The following API5 variants were observed in gnomAD, a reference collection of about 807,000 sequenced individuals.
The protein encoded by API5 is apoptosis inhibitor 5.
API5 carries 6 observed loss-of-function variants against 71.9 expected under a neutral mutation model. The observed-to-expected ratio is 0.08, with a 90% CI of 0.05 to 0.16. The LOEUF is 0.16. Among genes scored for constraint, API5 ranks in the 10% least tolerant of loss-of-function variants. API5 has a pLI of 1.00. For synonymous variants in API5, 189 were observed against 221.3 expected, an observed-to-expected ratio of 0.85 and a Z score of 1.30; for missense variants, 332 against 612.8, an observed-to-expected ratio of 0.54 and a Z score of 4.84.
At chr11:43,336,231 T>C (rs1855428785) in intron 13 of API5, 3 of 469,078 alleles carry the variant, frequency 6.4e-6, no homozygotes, top group East Asian at 6.6e-5. Flanking sequence ...AAGAAAAATA[T>C]GCCTCTTGTA....
At chr11:43,322,265 C>A in intron 5 of API5, 129 bp downstream of exon 5, 2 of 827,574 alleles carry the variant, frequency 2.4e-6, no homozygotes, top group Non-Finnish European at 3.4e-6. Flanking sequence ...TTGGAACCAC[C>A]ATAGAACTTC....
chr11:43,330,583 G>C lies in API5; in HGVS notation c.1278+19G>C, dbSNP rs1855218702. On this transcript the variant is annotated intron_variant, in intron 11 of 13. Coordinates refer to ENST00000531273, the MANE Select transcript of API5 (RefSeq NM_001142930.2). ...AATCAAGGTAAGTCTGTAATACCAA[G>C]TGACATTTCTGCAGTTACCATAAAA... The C allele has an allele frequency of 6.5e-7, 1 of 1,528,952 alleles. No individual in the cohort carries two copies. Among genetic ancestry groups the C allele is most frequent in the Admixed American group, 1.7e-5 (1 of 57,512 alleles). 94.7% of individuals were successfully genotyped at this position (1,528,952 alleles called of 1,614,324 possible). A position where few individuals can be genotyped will look rare whatever the true frequency, so the allele number is the denominator to read the frequency against.
In API5 at chr11:43,323,568, A is replaced by T; in HGVS notation, c.682A>T (p.Asn228Tyr). ...ACAGGCCGACCTAGAACAGACCTTCAATCCCTCGGATCCTGACTGTGTGGA... is the reference window on the plus strand; with the variant it reads ...ACAGGCCGACCTAGAACAGACCTTCTATCCCTCGGATCCTGACTGTGTGGA... Reference protein sequence around the residue: ...AEQADLEQTFNPSDPDCVDRL... With the variant: ...AEQADLEQTFYPSDPDCVDRL... Residue 228 changes from asparagine (N) to tyrosine (Y), a missense_variant, in exon 6 of 14, where the codon AAT becomes TAT. By Grantham distance (143) the Asn-to-Tyr change is moderately radical (BLOSUM62 -2). Transcript: ENST00000531273. The T allele has an allele frequency of 6.2e-7, 1 of 1,614,116 alleles. No homozygotes were observed. Among genetic ancestry groups the T allele is most frequent in the Non-Finnish European group, 8.5e-7 (1 of 1,179,970 alleles).
chr11:43,312,237 C>T (rs772578416), intron 1 of API5, 41 bp downstream of exon 1: 56 of 1,595,268 alleles, frequency 3.5e-5, no homozygotes, highest in Non-Finnish European at 4.5e-5. Context: ...CCTGGCGCTC[C>T]GCGGCCTTTC....
At chr11:43,316,319 G>T (rs193071171) in intron 1 of API5, among the ~76,000 whole-genome samples, 7 of 152,070 alleles carry the variant, frequency 4.6e-5, no homozygotes, top group Admixed American at 2.6e-4. Flanking sequence ...TATTGTTAAT[G>T]ATTCCTTTTT....
At chr11:43,318,150 C>T (rs1395198123) in intron 1 of API5, among the ~76,000 whole-genome samples, 1 of 152,192 alleles carries the variant, frequency 6.6e-6, no homozygotes, top group Admixed American at 6.5e-5. Context: ...GCCGGGATTA[C>T]AGGCGCACAC....
rs528825483 is a variant in API5 at position 43,332,708 on chromosome 11, A to G, written c.1278+2144A>G. Among the ~76,000 whole-genome samples, 4 of 152,226 alleles carry G rather than the reference A, an allele frequency of 2.6e-5. No individual in the cohort carries two copies. The South Asian group carries it at 6.2e-4, about 24-fold the overall frequency. On this transcript the variant is annotated intron_variant, in intron 11 of 13. Coordinates refer to ENST00000531273, the MANE Select transcript of API5 (RefSeq NM_001142930.2). ...CACTCTCATATACACACACACACAG[A>G]GTCCTTTTCAGTTTTTATGGAGGCT... is the stretch of plus-strand genomic sequence containing the variant.
intron 2 of API5, among the ~76,000 whole-genome samples, chr11:43,320,042 CTTTTTTTTTTTTT>C (rs368783012): frequency 8.3e-6 from 1 of 120,148 alleles, no homozygotes; most frequent in Non-Finnish European, 1.8e-5. Context: ...CAAATTCTCT[CTTTTTTTTTTTTT>C]TTTTTTTTGA....
intron 13 of API5, 82 bp from the exon 14 acceptor site, chr11:43,342,346 G>C: frequency 1.7e-6 from 2 of 1,172,094 alleles, no homozygotes; most frequent in South Asian, 3.0e-5. Context: ...GCTGTATTCA[G>C]AGTTATGAGC....
chr11:43,314,964 A>C (rs1391395433), intron 1 of API5, among the ~76,000 whole-genome samples: 5 of 152,182 alleles, frequency 3.3e-5, no homozygotes, highest in Admixed American at 2.0e-4. Flanking sequence ...TGATGTAGCA[A>C]AGCCTGATTT....
chr11:43,312,212 G>T lies in API5; in HGVS notation c.69+16G>T, dbSNP rs1182685695. 1 of 1,612,722 alleles carries T rather than the reference G, an allele frequency of 6.2e-7. No individual in the cohort carries two copies. The highest frequency in any genetic ancestry group is 1.7e-5 in the Admixed American group (1 of 59,944). ...AGTGGGCCAGGTGAGTTGAGTCCCC[G>T]GGCGGCCTGCAGGGCCTGGCGCTCC... is the stretch of plus-strand genomic sequence containing the variant. On this transcript the variant is annotated intron_variant, in intron 1 of 13. Coordinates refer to ENST00000531273, the MANE Select transcript of API5 (RefSeq NM_001142930.2).
intron 11 of API5, among the ~76,000 whole-genome samples, chr11:43,332,251 A>G (rs910011314): frequency 1.3e-5 from 2 of 152,162 alleles, no homozygotes; most frequent in Admixed American, 1.3e-4. Context: ...GTAAGTAAAT[A>G]GTTCTGCAGT....
chr11:43,327,886 CT>C lies in API5; in HGVS notation c.945+13del, dbSNP rs1346382397. Reference sequence around the variant, plus strand: ...CTATTTGATAAGTTATTGGTAAGAACTTTTTCCTTTCCTTATGGGATAGTCA... The same window carrying C: ...CTATTTGATAAGTTATTGGTAAGAACTTTTCCTTTCCTTATGGGATAGTCA... On this transcript the variant is annotated intron_variant, in intron 8 of 13. Transcript: ENST00000531273. The C allele has an allele frequency of 4.4e-6, 7 of 1,587,408 alleles. No homozygotes were observed. The highest frequency in any genetic ancestry group is 6.0e-6 in the Non-Finnish European group (7 of 1,158,696).
intron 11 of API5, 56 bp from the exon 12 acceptor site, chr11:43,335,222 C>A: frequency 7.9e-7 from 1 of 1,267,814 alleles, no homozygotes; most frequent in South Asian, 1.2e-5. Context: ...CCCTCACCAC[C>A]ACTCCCTGCC....
chr11:43,330,741 G>T (rs565212469), intron 11 of API5, among the ~76,000 whole-genome samples, 177 bp downstream of exon 11: 2 of 152,278 alleles, frequency 1.3e-5, no homozygotes, highest in East Asian at 3.9e-4. Flanking sequence ...AGTTCTAGTG[G>T]TCTTAATTAG....
rs771394744 is a variant in API5, at chr11:43,312,112, G to A, written c.-16G>A. On this transcript the variant is annotated 5_prime_UTR_variant, in exon 1 of 14. Transcript: ENST00000531273. ...GACAAGGATAGCGGAACCGGGCCCT[G>A]GGCTTGTCGCTCACCATGCCGACAG... The A allele has an allele frequency of 6.2e-7, 1 of 1,613,290 alleles. No individual in the cohort carries two copies. The highest frequency in any genetic ancestry group is 8.5e-7 in the Non-Finnish European group (1 of 1,179,862).
Position 43,322,085 on chromosome 11 carries a change from T to G in API5, c.492T>G (p.Asp164Glu), listed in dbSNP as rs552791576. 5 of 1,613,340 alleles carry G rather than the reference T, an allele frequency of 3.1e-6. No homozygotes were observed. Among genetic ancestry groups the G allele is most frequent in the Non-Finnish European group, 4.2e-6 (5 of 1,179,794 alleles). ...CTACAAAACTTAAGACTTTACCAGA[T>G]GAAGTCTTAACAAAGGAAGTGGAAG... Reference protein sequence around the residue: ...FLSTKLKTLPDEVLTKEVEEL... With the variant: ...FLSTKLKTLPEEVLTKEVEEL... Residue 164 changes from aspartate to glutamate, a missense_variant, in exon 5 of 14, where the codon GAT becomes GAG. Physicochemically the swap from Asp to Glu is conservative, Grantham distance 45 (BLOSUM62 2). Transcript: ENST00000531273.
intron 13 of API5, chr11:43,340,167 TC>T: frequency 6.8e-6 from 2 of 292,826 alleles, no homozygotes; most frequent in Non-Finnish European, 1.3e-5. Context: ...GAAAAAGAAA[TC>T]AAGGTAACCC....
At chr11:43,328,936 A>G (rs1376565731) in intron 9 of API5, 43 bp downstream of exon 9, 1 of 1,602,760 alleles carries the variant, frequency 6.2e-7, no homozygotes, top group East Asian at 2.2e-5. Context: ...CAAAGGTGGT[A>G]GCTATCCTGA....
Sources: allele counts gnomAD v4.1 joint callset (sites outside exome capture counted in the v4.1 genomes callset), GRCh38; gene constraint gnomAD v4.1.1; transcripts MANE v1.5; gene names NCBI Gene and HGNC (gene_info 2026-07-23, HGNC 2026-07-21).